The following RNF121 variants were observed in gnomAD, a reference collection of about 807,000 sequenced individuals.
The protein encoded by RNF121 is E3 ubiquitin ligase RNF121.
In RNF121, 21 loss-of-function variants were observed where a neutral mutation model predicts 46.5. That is an observed-to-expected ratio of 0.45 (90% CI 0.32 to 0.65). The LOEUF is 0.65. Ranked by LOEUF, RNF121 falls within the 30% of genes least tolerant of loss-of-function variation. The pLI is 0.04. For synonymous variants in RNF121, 139 were observed against 144.7 expected (o/e 0.96, Z 0.28); for missense variants, 346 against 416.0 (o/e 0.83, Z 1.46).
chr11:71,966,321 AT>A (rs1426039435), intron 3 of RNF121, among the ~76,000 whole-genome samples: 1 of 152,090 alleles, frequency 6.6e-6, no homozygotes, highest in Non-Finnish European at 1.5e-5. Context: ...GCCTGGCCTG[AT>A]ATTTCCATTT....
intron 7 of RNF121, 54 bp from the exon 8 acceptor site, chr11:71,995,394 CTG>C (rs1212213435): frequency 7.2e-7 from 1 of 1,391,670 alleles, no homozygotes; most frequent in Non-Finnish European, 1.0e-6. Flanking sequence ...CAAAGACTGT[CTG>C]GGGCTGGAGT....
intron 7 of RNF121, 135 bp downstream of exon 7, chr11:71,994,987 C>T: frequency 8.6e-7 from 1 of 1,166,540 alleles, no homozygotes; most frequent in Non-Finnish European, 1.2e-6. Flanking sequence ...AGAGGGCCAC[C>T]TTCCCTACCC....
intron 6 of RNF121, among the ~76,000 whole-genome samples, chr11:71,993,479 G>GC (rs1954907172): frequency 1.5e-5 from 1 of 67,604 alleles, no homozygotes. Flanking sequence ...TGTCCCTTTG[G>GC]CTTTTTTCAC....
At position 71,995,540 on chromosome 11, in the gene RNF121, G is replaced by T; in HGVS notation, c.852G>T (p.Met284Ile). The change falls in exon 8 of 9, where the codon ATG becomes ATT. Residue 284 changes from methionine to isoleucine, a missense_variant. By Grantham distance (10) the Met-to-Ile change is conservative (BLOSUM62 1). This residue lies in a region of RNF121 where 286 missense variants were observed against 383.8 expected (regional missense o/e 0.75). Coordinates refer to ENST00000361756, the MANE Select transcript of RNF121 (RefSeq NM_018320.5). ...YCKEKVDLKR[M>I]FSNPWERPHV... ...AAGAGAAGGTAGACCTCAAGAGGAT[G>T]TTCAGCAATCCGTATCCTTTATTGG... is the stretch of plus-strand genomic sequence containing the variant. The T allele has an allele frequency of 1.3e-6, 2 of 1,587,190 alleles. No individual in the cohort carries two copies. The highest frequency in any genetic ancestry group is 3.5e-5 in the Admixed American group (2 of 56,862).
rs185571091 is a variant in RNF121, at chr11:71,994,650, T to C, written c.628-69T>C. On this transcript the variant is annotated intron_variant, in intron 6 of 8. Transcript: ENST00000361756. ...TCTTCTCTAGAAGGCCTGAGGTCTC[T>C]GTGGAGCTTCCTACTTTGGCTGCTT... The C allele has an allele frequency of 1.0e-4, 162 of 1,598,996 alleles. No homozygotes were observed. In the African/African-American group the frequency reaches 1.8e-3, roughly 17 times the overall value.
Position 71,981,780 on chromosome 11 carries a change from T to A in RNF121, c.244-981T>A, listed in dbSNP as rs183095668. Among the ~76,000 whole-genome samples, 31 of 152,322 alleles carry A rather than the reference T, an allele frequency of 2.0e-4. No individual in the cohort carries two copies. The East Asian group carries it at 5.8e-3, about 28-fold the overall frequency. Reference sequence around the variant, plus strand: ...TTTACTTTCCTCTTACTTATCGGAATTTATTGAGGACATATCATATGCCAA... The same window carrying A: ...TTTACTTTCCTCTTACTTATCGGAAATTATTGAGGACATATCATATGCCAA... On this transcript the variant is annotated intron_variant, in intron 3 of 8. Transcript: ENST00000361756.
intron 1 of RNF121, among the ~76,000 whole-genome samples, chr11:71,951,402 G>A (rs1346910270): frequency 4.0e-5 from 6 of 151,870 alleles, no homozygotes. Context: ...AATTTTTTGG[G>A]GTGAAAAGTG....
At chr11:71,975,197 G>A (rs1270350679) in intron 3 of RNF121, among the ~76,000 whole-genome samples, 1 of 152,146 alleles carries the variant, frequency 6.6e-6, no homozygotes, top group Non-Finnish European at 1.5e-5. Context: ...ACTAGAATGT[G>A]GAATTAGAGA....
intron 1 of RNF121, among the ~76,000 whole-genome samples, chr11:71,949,900 G>C (rs1024433167): frequency 2.0e-5 from 3 of 151,894 alleles, no homozygotes; most frequent in African/African-American, 7.3e-5. Flanking sequence ...TACTCTGGAG[G>C]CTGAGGCAGA....
At chr11:71,932,336 A>G (rs558773234) in intron 1 of RNF121, among the ~76,000 whole-genome samples, 18 of 152,358 alleles carry the variant, frequency 1.2e-4, no homozygotes, top group African/African-American at 4.1e-4. Flanking sequence ...TAGAGAGGCT[A>G]AAGAACTTTC....
chr11:71,979,120 C>G (rs1416999059), intron 3 of RNF121, among the ~76,000 whole-genome samples: 1 of 152,144 alleles, frequency 6.6e-6, no homozygotes, highest in Non-Finnish European at 1.5e-5. Context: ...AAAATTAATA[C>G]TTAATGGTTG....
intron 7 of RNF121, 122 bp downstream of exon 7, chr11:71,994,974 A>C: frequency 7.6e-7 from 1 of 1,309,116 alleles, no homozygotes. Context: ...TAGGAGAGCC[A>C]CAAGAGGGCC....
Position 71,960,831 on chromosome 11 carries a change from C to G in RNF121, c.183C>G (p.Thr61=). ...HAEMVLILIA[T]LVVAQLLLVQ... ...AAATGGTCCTCATCCTCATCGCAAC[C>G]TTGGTGGTGGCCCAGCTGCTCCTGG... Residue 61 remains threonine (T), a synonymous_variant, in exon 3 of 9, where the codon ACC becomes ACG. Transcript: ENST00000361756. 6.2e-7 allele frequency: 1 copy of G among 1,614,162 alleles called. No homozygotes were observed. Among genetic ancestry groups the G allele is most frequent in the South Asian group, 1.1e-5 (1 of 91,078 alleles).
intron 4 of RNF121, among the ~76,000 whole-genome samples, chr11:71,985,931 C>CA (rs888685205): frequency 1.3e-3 from 178 of 138,890 alleles, no homozygotes; most frequent in Middle Eastern, 3.5e-3. Flanking sequence ...CATCTCTAGC[C>CA]AAAAAAAAAC....
At chr11:71,939,534 C>T (rs1265828179) in intron 1 of RNF121, 1 of 152,374 alleles carries the variant, frequency 6.6e-6, no homozygotes, top group African/African-American at 2.4e-5. Flanking sequence ...AGTTAATAGC[C>T]AACCATTTTC....
chr11:71,947,857 A>G (rs1455456411), intron 1 of RNF121, among the ~76,000 whole-genome samples: 6 of 152,238 alleles, frequency 3.9e-5, no homozygotes, highest in East Asian at 1.9e-4. Context: ...GGCCACTCCA[A>G]TTGTTAGAGA....
At chr11:71,932,859 G>C (rs182679307) in intron 1 of RNF121, among the ~76,000 whole-genome samples, 20 of 152,284 alleles carry the variant, frequency 1.3e-4, no homozygotes, top group South Asian at 2.1e-4. Flanking sequence ...TTCCATACAG[G>C]TCCTTTAACT....
rs373061842 is a variant in RNF121 at position 71,929,126 on chromosome 11, T to A, written c.63+2T>A. ...GCTGGGGAACGGGAGCTGGATGAGG[T>A]AAGCGGAGTTGAGAGACGAGGAGAG... On this transcript the variant is annotated splice_donor_variant, in intron 1 of 8. Coordinates refer to ENST00000361756, the MANE Select transcript of RNF121 (RefSeq NM_018320.5). LOFTEE classifies it high-confidence loss of function. The A allele has an allele frequency of 1.3e-6, 2 of 1,550,380 alleles. No homozygotes were observed.
intron 4 of RNF121, among the ~76,000 whole-genome samples, chr11:71,986,646 G>C (rs2134211787): frequency 6.6e-6 from 1 of 151,996 alleles, no homozygotes; most frequent in African/African-American, 2.4e-5. Context: ...GTGGGCACCT[G>C]TGGTCCCAGC....
Sources: allele counts gnomAD v4.1 joint callset (sites outside exome capture counted in the v4.1 genomes callset), GRCh38; gene constraint gnomAD v4.1.1; regional missense constraint gnomAD v4.1.1; transcripts MANE v1.5; gene names NCBI Gene and HGNC (gene_info 2026-07-23, HGNC 2026-07-21).